The following NTM variants were observed in gnomAD, a reference collection of about 807,000 sequenced individuals.
NTM encodes the protein IgLON family member 2.
Under a neutral mutation model 42.1 loss-of-function variants are expected in NTM, and 13 were observed. The ratio of observed to expected loss-of-function variants is 0.31; its 90% CI spans 0.20 to 0.49. The LOEUF (loss-of-function observed/expected upper bound fraction) is 0.49, where lower values mean the gene tolerates loss of function less well. Among genes scored for constraint, NTM ranks in the 20% least tolerant of loss-of-function variants. The probability of loss-of-function intolerance (pLI) is 0.99; values close to 1 mark genes in which losing one functional copy is unlikely to be tolerated. For missense variants in NTM, 373 were observed against 452.8 expected (o/e 0.82, Z 1.60); for synonymous variants, 187 against 179.2 (o/e 1.04, Z -0.35).
At chr11:131,656,746 C>A (rs2067235878) in intron 1 of NTM, among the ~76,000 whole-genome samples, 1 of 152,124 alleles carries the variant, frequency 6.6e-6, no homozygotes, top group Non-Finnish European at 1.5e-5. Context: ...CCCTGTTTTT[C>A]TTTTCTTGGA....
chr11:132,241,459 C>T (rs1206098543), intron 4 of NTM, among the ~76,000 whole-genome samples: 1 of 152,126 alleles, frequency 6.6e-6, no homozygotes, highest in East Asian at 1.9e-4. Flanking sequence ...TCATCCCCCC[C>T]AGCAATACAA....
chr11:131,522,245 C>G (rs1426207880), intron 1 of NTM, among the ~76,000 whole-genome samples: 1 of 151,860 alleles, frequency 6.6e-6, no homozygotes, highest in Non-Finnish European at 1.5e-5. Flanking sequence ...ACTGCAATTA[C>G]TGGGAGAATG....
rs371072688 is a variant in NTM at position 131,424,910 on chromosome 11, C to T, written c.82+54022C>T. On this transcript the variant is annotated intron_variant, in intron 1 of 8. Transcript: ENST00000683400. The stretch of plus-strand genomic sequence containing the variant: ...TTTTATTTTTTTTGAGACAGAGTCT[C>T]GCTCTGTCACCCAGGTTGGAATGCG... Among the ~76,000 whole-genome samples the T allele has an allele frequency of 1.0e-3, 149 of 145,210 alleles. 1 individual carries two copies. Among genetic ancestry groups the T allele is most frequent in the African/African-American group, 2.5e-3 (99 of 39,064 alleles).
At chr11:131,671,542 C>T (rs1391330833) in intron 1 of NTM, 2 of 980,994 alleles carry the variant, frequency 2.0e-6, no homozygotes, top group African/African-American at 3.7e-5. Flanking sequence ...TCTGGGCTGG[C>T]AGGGCCTACC....
chr11:131,878,638 T>A (rs2048967819), intron 1 of NTM, among the ~76,000 whole-genome samples: 1 of 120,154 alleles, frequency 8.3e-6, no homozygotes, highest in African/African-American at 3.2e-5. Flanking sequence ...TATATATATA[T>A]ATAATGTCTT....
At chr11:131,758,584 T>C (rs560985422) in intron 1 of NTM, among the ~76,000 whole-genome samples, 2 of 152,076 alleles carry the variant, frequency 1.3e-5, no homozygotes, top group South Asian at 4.2e-4. Context: ...TTCCTTTTTT[T>C]CTTTCTTTCT....
intron 1 of NTM, among the ~76,000 whole-genome samples, chr11:131,646,930 G>T (rs114875102): frequency 0.012 from 1,768 of 152,284 alleles, 39 homozygotes; most frequent in African/African-American, 0.04. Context: ...TAAAGTGCTT[G>T]CTAAAGAGCA....
chr11:132,118,341 A>G (rs2064200345), intron 2 of NTM, among the ~76,000 whole-genome samples: 1 of 152,204 alleles, frequency 6.6e-6, no homozygotes, highest in Non-Finnish European at 1.5e-5. Flanking sequence ...TTGGGAATAC[A>G]ATATATGGTA....
intron 1 of NTM, among the ~76,000 whole-genome samples, chr11:131,633,807 G>A (rs1405748778): frequency 1.9e-5 from 2 of 105,948 alleles, no homozygotes; most frequent in Non-Finnish European, 3.8e-5. Context: ...CACACACACA[G>A]CCATACAATT....
intron 1 of NTM, among the ~76,000 whole-genome samples, chr11:131,452,006 C>T (rs991395565): frequency 1.3e-5 from 2 of 152,226 alleles, no homozygotes; most frequent in African/African-American, 2.4e-5. Flanking sequence ...GACCCTGGCT[C>T]CTCTGGGCTG....
At chr11:131,688,575 C>T in intron 1 of NTM, among the ~76,000 whole-genome samples, 1 of 152,250 alleles carries the variant, frequency 6.6e-6, no homozygotes, top group East Asian at 1.9e-4. Flanking sequence ...CTGGCTGCCC[C>T]CTCTGTGCCC....
At chr11:131,496,049 G>T (rs1955306500) in intron 1 of NTM, among the ~76,000 whole-genome samples, 1 of 152,204 alleles carries the variant, frequency 6.6e-6, no homozygotes, top group Non-Finnish European at 1.5e-5. Context: ...TTGAAGGAAA[G>T]ATGACTTCTG....
intron 2 of NTM, among the ~76,000 whole-genome samples, chr11:132,024,260 C>G (rs2074840321): frequency 6.6e-6 from 1 of 152,106 alleles, no homozygotes; most frequent in Non-Finnish European, 1.5e-5. Flanking sequence ...TTTCTTTGGT[C>G]AGTGTCTGCC....
At chr11:132,226,462 G>A (rs1168111918) in intron 4 of NTM, among the ~76,000 whole-genome samples, 3 of 152,196 alleles carry the variant, frequency 2.0e-5, no homozygotes, top group South Asian at 2.1e-4. Flanking sequence ...AATGACCAGT[G>A]ATGATGAGGT....
chr11:132,212,058 C>T lies in NTM; in HGVS notation c.437C>T (p.Ser146Phe). The T allele has an allele frequency of 6.2e-7, 1 of 1,612,530 alleles. No individual in the cohort carries two copies. Among genetic ancestry groups the T allele is most frequent in the Non-Finnish European group, 8.5e-7 (1 of 1,178,904 alleles). The stretch of plus-strand genomic sequence containing the variant: ...ATTGTAGAGATTTCTTCAGATATCT[C>T]CATTAATGAAGGGAACAATATTAGC... ...PKIVEISSDISINEGNNISLT... is the reference protein window; with the variant it reads ...PKIVEISSDIFINEGNNISLT... The change falls in exon 4 of 9, where the codon TCC (serine) becomes TTC (phenylalanine). Residue 146 changes from serine to phenylalanine, a missense_variant. Coordinates refer to ENST00000683400, the MANE Select transcript of NTM (RefSeq NM_001352005.2).
intron 1 of NTM, among the ~76,000 whole-genome samples, chr11:131,574,752 T>A (rs572161150): frequency 6.6e-6 from 1 of 152,174 alleles, no homozygotes; most frequent in South Asian, 2.1e-4. Context: ...GAAGCAATAT[T>A]ATTCCTCCTG....
At chr11:131,423,567 T>C (rs886218034) in intron 1 of NTM, among the ~76,000 whole-genome samples, 3 of 152,216 alleles carry the variant, frequency 2.0e-5, no homozygotes, top group Non-Finnish European at 4.4e-5. Flanking sequence ...GCTGAGCTTC[T>C]TCCTATTGGT....
intron 1 of NTM, among the ~76,000 whole-genome samples, chr11:131,435,087 A>C (rs1351996250): frequency 9.2e-5 from 14 of 152,302 alleles, no homozygotes; most frequent in African/African-American, 3.1e-4. Flanking sequence ...TTTGTTAAAG[A>C]TCAGATGGTT....
chr11:131,832,792 G>T (rs533601882), intron 1 of NTM, among the ~76,000 whole-genome samples: 1 of 152,268 alleles, frequency 6.6e-6, no homozygotes, highest in South Asian at 2.1e-4. Flanking sequence ...GTATGTACGT[G>T]CATATGTATG....
Sources: gnomAD v4.1 joint callset for allele counts (sites outside exome capture counted in the v4.1 genomes callset) on GRCh38, gnomAD v4.1.1 for gene constraint, MANE v1.5 for transcripts, NCBI Gene and HGNC (gene_info 2026-07-23, HGNC 2026-07-21) for gene names.